KANK2: variants seen among roughly 807,000 people sequenced by gnomAD.
The protein encoded by KANK2 is KN motif and ankyrin repeat domains 2, also known as KN motif and ankyrin repeat domain-containing protein 2.
A neutral mutation model predicts 74.6 loss-of-function variants in KANK2; 41 were observed. The ratio of observed to expected loss-of-function variants is 0.55; its 90% CI spans 0.43 to 0.71. The LOEUF is 0.71. KANK2 is among the 30% of genes least tolerant of loss of function. The probability of loss-of-function intolerance (pLI) is 0.00; values close to 1 mark genes in which losing one functional copy is unlikely to be tolerated. For missense variants in KANK2, 1,148 were observed against 1,196.4 expected (o/e 0.96, Z 0.60); for synonymous variants, 537 against 519.0 (o/e 1.03, Z -0.47).
chr19:11,182,241 A>G (rs926339508), intron 4 of KANK2, among the ~76,000 whole-genome samples: 3 of 151,802 alleles, frequency 2.0e-5, no homozygotes, highest in African/African-American at 7.2e-5. Flanking sequence ...TGTTCTATCT[A>G]TGTTACCACA....
intron 12 of KANK2, among the ~76,000 whole-genome samples, chr19:11,168,005 G>GTTTT (rs528176321): frequency 3.6e-4 from 41 of 115,012 alleles, no homozygotes; most frequent in East Asian, 8.0e-4. Flanking sequence ...CCACGTCCTT[G>GTTTT]TTTTTTTTTT....
chr19:11,189,641 T>TATAGAA (rs1875644879), intron 4 of KANK2, among the ~76,000 whole-genome samples: 1 of 107,364 alleles, frequency 9.3e-6, no homozygotes. Flanking sequence ...AAAAGGAAGA[T>TATAGAA]ATAGAAATGA....
At chr19:11,189,971 G>A (rs1411791376) in intron 4 of KANK2, among the ~76,000 whole-genome samples, 1 of 152,060 alleles carries the variant, frequency 6.6e-6, no homozygotes, top group African/African-American at 2.4e-5. Flanking sequence ...GGAACAACAC[G>A]GGCCGGCGAG....
Position 11,169,966 on chromosome 19 carries a change from C to G in KANK2, c.2413G>C (p.Asp805His). 1 of 1,614,126 alleles carries G rather than the reference C, an allele frequency of 6.2e-7. No individual in the cohort carries two copies. The highest frequency in any genetic ancestry group is 8.5e-7 in the Non-Finnish European group (1 of 1,179,980). The change falls in exon 12 of 13, where the codon GAT becomes CAT. Residue 805 changes from aspartate to histidine, a missense_variant and splice_region_variant. Transcript: ENST00000586659. Reference sequence around the variant, plus strand: ...GCCACCATCAGAGCTGTGCTCCCATCCTGCAAAGTATCCGGTGCTATGAAT... The same window carrying G: ...GCCACCATCAGAGCTGTGCTCCCATGCTGCAAAGTATCCGGTGCTATGAAT... ...PSCDISLTDR[D>H]GSTALMVALD... is the part of the protein sequence containing the mutation.
intron 4 of KANK2, among the ~76,000 whole-genome samples, chr19:11,189,220 G>C (rs989230529): frequency 2.0e-5 from 3 of 148,682 alleles, no homozygotes; most frequent in Non-Finnish European, 3.0e-5. Context: ...GCCTCCGAAA[G>C]CTCCAGGATT....
chr19:11,197,781 G>T (rs1952835163), upstream of KANK2: 1 of 141,620 alleles, frequency 7.1e-6, no homozygotes, highest in Admixed American at 7.0e-5. Flanking sequence ...CCGAGGCAGG[G>T]TCCTCCCACT....
At chr19:11,197,341 T>A (rs2079050908) in intron 1 of KANK2, 144 bp downstream of exon 1, 1 of 137,118 alleles carries the variant, frequency 7.3e-6, no homozygotes, top group South Asian at 2.3e-4. Context: ...GAAGGTGGAG[T>A]TGGAGGCAGC....
rs781360084 is a variant in KANK2, at chr19:11,194,558, G to A, written c.-47C>T. 3 of 1,514,768 alleles carry A rather than the reference G, an allele frequency of 2.0e-6. No homozygotes were observed. The highest frequency in any genetic ancestry group is 2.7e-6 in the Non-Finnish European group (3 of 1,091,040). 93.8% of individuals were successfully genotyped at this position (1,514,768 alleles called of 1,614,324 possible). A position where few individuals can be genotyped will look rare whatever the true frequency, so the allele number is the denominator to read the frequency against. On this transcript the variant is annotated 5_prime_UTR_variant, in exon 3 of 13. Coordinates refer to ENST00000586659, the MANE Select transcript of KANK2 (RefSeq NM_001136191.3). ...TTGGAAGTCACTTGAGGGACTGCGA[G>A]TCAGACTGCCTGCAGCACCGGCTGA... is the stretch of plus-strand genomic sequence containing the variant.
At chr19:11,189,449 C>CA (rs1353654898) in intron 4 of KANK2, among the ~76,000 whole-genome samples, 2 of 151,328 alleles carry the variant, frequency 1.3e-5, no homozygotes, top group East Asian at 3.9e-4. Flanking sequence ...ACTAAAAATA[C>CA]AAAAATTAGT....
At position 11,193,995 on chromosome 19, in the gene KANK2, CG is replaced by C. The variant is rs1568654998; in HGVS notation, c.84del (p.Asp29IlefsTer42). On this transcript the variant is annotated frameshift_variant, in exon 4 of 13. Coordinates refer to ENST00000586659, the MANE Select transcript of KANK2 (RefSeq NM_001136191.3). LOFTEE classifies it high-confidence loss of function. The surrounding 1 kb of genome is among the most constrained non-coding windows in gnomAD (Gnocchi z 9.6). ...GGGGTCTCCACGGAGTAGGGTGGAT[CG>C]GGGTCCTTGGCAGGGAAGGCAGGTG... ...ASPPAFPAKD[P>X]DPPYSVETPY... 6.2e-7 allele frequency: 1 copy of C among 1,613,204 alleles called. No homozygotes were observed. Among genetic ancestry groups the C allele is most frequent in the Non-Finnish European group, 8.5e-7 (1 of 1,179,528 alleles).
At chr19:11,194,757 C>T in intron 2 of KANK2, 167 bp from the exon 3 acceptor site, 1 of 456,264 alleles carries the variant, frequency 2.2e-6, no homozygotes, top group South Asian at 2.2e-5. Flanking sequence ...CCCCGACCCC[C>T]TCCCCCCCGC....
chr19:11,184,812 TTTTC>T (rs2078629919), intron 4 of KANK2, among the ~76,000 whole-genome samples: 1 of 148,894 alleles, frequency 6.7e-6, no homozygotes, highest in Non-Finnish European at 1.5e-5. Context: ...AACTTCTTTT[TTTTC>T]TTTTTTTTTT....
chr19:11,184,699 C>T (rs1325962613), intron 4 of KANK2, among the ~76,000 whole-genome samples: 1 of 141,168 alleles, frequency 7.1e-6, no homozygotes, highest in African/African-American at 2.6e-5. Flanking sequence ...CAGGGCAAGA[C>T]TCTACTTTTT....
Position 11,170,208 on chromosome 19 carries a change from C to A in KANK2, c.2252G>T (p.Arg751Leu), listed in dbSNP as rs182645582. 1 of 1,611,136 alleles carries A rather than the reference C, an allele frequency of 6.2e-7. No homozygotes were observed. The highest frequency in any genetic ancestry group is 2.2e-5 in the East Asian group (1 of 44,878). Residue 751 changes from arginine to leucine, a missense_variant, in exon 11 of 13, where the codon CGG (arginine) becomes CTG (leucine). Coordinates refer to ENST00000586659, the MANE Select transcript of KANK2 (RefSeq NM_001136191.3). This position sits in a 1 kb window ranked among gnomAD's most constrained non-coding sequence, Gnocchi z 5.2. ...TALMLAVSHG[R>L]VDVVKALLAC... is the part of the protein sequence containing the mutation. ...CAGCAGGGCTTTGACAACGTCCACC[C>A]GCCCGTGGCTGACGGCCAGCATCAG...
At position 11,183,542 on chromosome 19, in the gene KANK2, G is replaced by A. The variant is rs372613913; in HGVS notation, c.1250-4822C>T. ...CTCACTCTGTTGTCCAGGCTGGAGC[G>A]CAGTGGCGTGATCACAGCTCATTCC... On this transcript the variant is annotated intron_variant, in intron 4 of 12. Transcript: ENST00000586659. Among the ~76,000 whole-genome samples the A allele has an allele frequency of 3.9e-5, 6 of 152,194 alleles. No homozygotes were observed. The East Asian group carries it at 5.8e-4, about 15-fold the overall frequency.
chr19:11,182,383 T>C (rs1033429619), intron 4 of KANK2, among the ~76,000 whole-genome samples: 5 of 151,550 alleles, frequency 3.3e-5, no homozygotes, highest in South Asian at 2.1e-4. Context: ...CCAGGTGTGG[T>C]GGAGTGCGCC....
chr19:11,184,424 T>C (rs976624045), intron 4 of KANK2, among the ~76,000 whole-genome samples: 1 of 149,558 alleles, frequency 6.7e-6, no homozygotes, highest in Admixed American at 6.8e-5. Flanking sequence ...TCCTCATGGG[T>C]GCGGTGGGGG....
rs763465164 is a variant in KANK2, at chr19:11,174,462, G to A, written c.2068+11C>T. On this transcript the variant is annotated intron_variant, in intron 9 of 12. Coordinates refer to ENST00000586659, the MANE Select transcript of KANK2 (RefSeq NM_001136191.3). ...GGTTTAGAGCCGCCTCGTCCTCCCC[G>A]CTGGGCTCACCGCTGTCGAGCAGCT... 16 of 1,594,760 alleles carry A rather than the reference G, an allele frequency of 1.0e-5. No individual in the cohort carries two copies. The highest frequency in any genetic ancestry group is 5.7e-5 in the South Asian group (5 of 88,378).
Position 11,193,064 on chromosome 19 carries a change from A to G in KANK2, c.1016T>C (p.Val339Ala), listed in dbSNP as rs1254517579. The change falls in exon 4 of 13, where the codon GTG (valine) becomes GCG (alanine). Residue 339 changes from valine (V) to alanine (A), a missense_variant. Coordinates refer to ENST00000586659, the MANE Select transcript of KANK2 (RefSeq NM_001136191.3). The surrounding 1 kb of genome is among the most constrained non-coding windows in gnomAD (Gnocchi z 9.6). The stretch of plus-strand genomic sequence containing the variant: ...AGCGGCTGTGCTGGCCACCACCTCC[A>G]CCTCCCGTGGCCCTTCTACCACCCG... ...TVRVVEGPRE[V>A]EVVASTAAGA... 1.2e-6 allele frequency: 2 copies of G among 1,609,296 alleles called. No individual in the cohort carries two copies. Among genetic ancestry groups the G allele is most frequent in the East Asian group, 2.2e-5 (1 of 44,698 alleles).
Sources: gnomAD v4.1 joint callset for allele counts (sites outside exome capture counted in the v4.1 genomes callset) on GRCh38, gnomAD v4.1.1 for gene constraint, Gnocchi (gnomAD v3.1) non-coding constraint, MANE v1.5 for transcripts, NCBI Gene and HGNC (gene_info 2026-07-23, HGNC 2026-07-21) for gene names.